The following LZTS1 variants were observed in gnomAD, a reference collection of about 807,000 sequenced individuals.
The protein encoded by LZTS1 is leucine zipper tumor suppressor 1.
In LZTS1, 31 loss-of-function variants were observed where a neutral mutation model predicts 45.8. The ratio of observed to expected loss-of-function variants is 0.68; its 90% CI spans 0.51 to 0.91. LZTS1 has a LOEUF of 0.91. Among genes scored for constraint, LZTS1 ranks in the 40% least tolerant of loss-of-function variants. LZTS1 has a pLI of 0.00. For synonymous variants in LZTS1, 359 were observed against 357.3 expected (o/e 1.00, Z -0.05); for missense variants, 821 against 788.9 (o/e 1.04, Z -0.49).
rs758448126 is a variant in LZTS1, at chr8:20,250,199, G to A, written c.1314C>T (p.Gly438=). 2.5e-5 allele frequency: 40 copies of A among 1,610,468 alleles called. No homozygotes were observed. The highest frequency in any genetic ancestry group is 3.3e-5 in the South Asian group (3 of 90,954). ...GCTCCAGGCCCTTGGTGCGCAGGGC[G>A]CCCTCCAGGTCCTGGGTCCTCAGCT... ...GLELRTQDLE[G]ALRTKGLELE... is the part of the protein sequence containing the mutation. Residue 438 remains glycine (G), a synonymous_variant, in exon 4 of 4, where the codon GGC becomes GGT. Transcript: ENST00000381569.
chr8:20,296,297 G>T (rs1252955992), intron 1 of LZTS1, among the ~76,000 whole-genome samples: 2 of 152,176 alleles, frequency 1.3e-5, no homozygotes, highest in Non-Finnish European at 2.9e-5. Context: ...GGAATGGGAG[G>T]GTTTGAGAAC....
At chr8:20,253,666 C>T (rs1310462406) in intron 2 of LZTS1, 81 bp from the exon 3 acceptor site, 2 of 1,166,436 alleles carry the variant, frequency 1.7e-6, no homozygotes, top group East Asian at 2.6e-5. Flanking sequence ...CGCGTGCCGA[C>T]CTTGAGCCAG....
chr8:20,287,501 T>A (rs1004926036), intron 1 of LZTS1, among the ~76,000 whole-genome samples: 11 of 152,232 alleles, frequency 7.2e-5, no homozygotes, highest in African/African-American at 2.7e-4. Context: ...AGAGGGTCTA[T>A]GAGCTTGCCC....
intron 1 of LZTS1, among the ~76,000 whole-genome samples, chr8:20,263,446 A>C (rs1585285697): frequency 6.6e-6 from 1 of 151,760 alleles, no homozygotes; most frequent in African/African-American, 2.4e-5. Flanking sequence ...GGGTTTCCTG[A>C]CCCCTAATGC....
At chr8:20,254,763 C>T (rs775448879) in intron 2 of LZTS1, 74 bp downstream of exon 2, 6 of 1,290,344 alleles carry the variant, frequency 4.6e-6, no homozygotes, top group Non-Finnish European at 6.3e-6. Flanking sequence ...CCCTGAACCC[C>T]CAGGCTCTCC....
chr8:20,286,668 G>A lies in LZTS1; in HGVS notation c.-135+17072C>T, dbSNP rs555397588. On this transcript the variant is annotated intron_variant, in intron 1 of 3. Coordinates refer to ENST00000381569, the MANE Select transcript of LZTS1 (RefSeq NM_021020.5). ...GTACACCTGGCAGAAATGGCCACAT[G>A]TGTTCACTTAAAGACCTAGCAGTTT... Among the ~76,000 whole-genome samples, 10 of 152,342 alleles carry A rather than the reference G, an allele frequency of 6.6e-5. No individual in the cohort carries two copies. The South Asian group carries it at 1.0e-3, about 16-fold the overall frequency.
At chr8:20,261,796 T>C (rs1268764710) in intron 1 of LZTS1, among the ~76,000 whole-genome samples, 2 of 152,316 alleles carry the variant, frequency 1.3e-5, no homozygotes, top group African/African-American at 4.8e-5. Flanking sequence ...GGAAAGGAAG[T>C]GGAGGATTCA....
intron 1 of LZTS1, among the ~76,000 whole-genome samples, chr8:20,297,477 C>T (rs559052809): frequency 4.6e-5 from 7 of 152,254 alleles, no homozygotes; most frequent in South Asian, 2.1e-4. Flanking sequence ...TGCAGTGGTG[C>T]GATCTCAGCT....
chr8:20,257,750 A>G (rs1800140437), intron 1 of LZTS1, among the ~76,000 whole-genome samples: 1 of 150,216 alleles, frequency 6.7e-6, no homozygotes, highest in African/African-American at 2.5e-5. Flanking sequence ...GCTCACTGCA[A>G]CCTCCACCTC....
intron 1 of LZTS1, among the ~76,000 whole-genome samples, chr8:20,262,829 G>A (rs1032381176): frequency 3.3e-5 from 5 of 152,222 alleles, no homozygotes; most frequent in Middle Eastern, 3.4e-3. Flanking sequence ...AAATGTCAAC[G>A]GTTCTGTGGT....
Position 20,262,332 on chromosome 8 carries a change from T to C in LZTS1, c.-134-7017A>G, listed in dbSNP as rs139574545. ...TAAGTACTGTGCAAAATGTAGAGGA[T>C]CAGGTGGGGAAGAGGGGAGGGGAGA... On this transcript the variant is annotated intron_variant, in intron 1 of 3. Transcript: ENST00000381569. Among the ~76,000 whole-genome samples the C allele has an allele frequency of 1.7e-3, 255 of 152,182 alleles. 2 individuals are homozygous for C. In the East Asian group the frequency reaches 0.027, roughly 16 times the overall value.
At chr8:20,255,340 T>A (rs1283004510) in intron 1 of LZTS1, 25 bp from the exon 2 acceptor site, 1 of 1,422,114 alleles carries the variant, frequency 7.0e-7, no homozygotes, top group Non-Finnish European at 9.2e-7. Context: ...AAGACAGAAG[T>A]CAGCGTGGGT....
intron 1 of LZTS1, among the ~76,000 whole-genome samples, chr8:20,266,547 G>T (rs991060753): frequency 6.6e-6 from 1 of 151,808 alleles, no homozygotes; most frequent in Admixed American, 6.6e-5. Context: ...CCTGGGGGAA[G>T]TGCATCCACC....
rs114300601 is a variant in LZTS1, at chr8:20,302,380, C to T, written c.-135+1360G>A. 6.7e-4 allele frequency among the ~76,000 whole-genome samples: 102 copies of T among 152,316 alleles called. 1 individual carries two copies. Among genetic ancestry groups the T allele is most frequent in the African/African-American group, 2.4e-3 (100 of 41,564 alleles). On this transcript the variant is annotated intron_variant, in intron 1 of 3. Transcript: ENST00000381569. ...CACCTTTCCCGTCTGTACATGCTAT[C>T]TCTAATACCCATATGCGCACACTCT... is the stretch of plus-strand genomic sequence containing the variant.
intron 1 of LZTS1, among the ~76,000 whole-genome samples, chr8:20,269,594 G>A (rs1232432646): frequency 6.6e-6 from 1 of 152,202 alleles, no homozygotes; most frequent in East Asian, 1.9e-4. Context: ...GGTATTCTGA[G>A]GCCAAGTTCA....
chr8:20,274,577 C>T (rs1012794711), intron 1 of LZTS1, among the ~76,000 whole-genome samples: 4 of 152,160 alleles, frequency 2.6e-5, no homozygotes, highest in African/African-American at 9.7e-5. Context: ...TTAGACCCCC[C>T]TTATGTGGAG....
intron 1 of LZTS1, among the ~76,000 whole-genome samples, chr8:20,264,900 G>C (rs1228942599): frequency 3.9e-5 from 6 of 152,204 alleles, no homozygotes; most frequent in African/African-American, 1.2e-4. Context: ...ACGGGAGAAA[G>C]AGCAGCCCCT....
At chr8:20,256,939 C>T (rs771882835) in intron 1 of LZTS1, among the ~76,000 whole-genome samples, 2 of 152,080 alleles carry the variant, frequency 1.3e-5, no homozygotes, top group African/African-American at 4.8e-5. Flanking sequence ...ATGGAGCACT[C>T]GGCATCTGGA....
intron 1 of LZTS1, among the ~76,000 whole-genome samples, chr8:20,293,823 A>G (rs1800939401): frequency 1.3e-5 from 2 of 152,148 alleles, no homozygotes; most frequent in African/African-American, 4.8e-5. Context: ...GGTCCCAGCT[A>G]CCAGGGAGGC....
Sources: gnomAD v4.1 joint callset for allele counts (sites outside exome capture counted in the v4.1 genomes callset) on GRCh38, gnomAD v4.1.1 for gene constraint, MANE v1.5 for transcripts, NCBI Gene and HGNC (gene_info 2026-07-23, HGNC 2026-07-21) for gene names.